The following UTRN variants were observed in gnomAD, a reference collection of about 807,000 sequenced individuals.
UTRN encodes the protein utrophin.
Under a neutral mutation model 463.9 loss-of-function variants are expected in UTRN, and 283 were observed. The observed-to-expected ratio is 0.61, with a 90% CI of 0.55 to 0.67. The LOEUF (loss-of-function observed/expected upper bound fraction) is 0.67, where lower values mean the gene tolerates loss of function less well. UTRN is among the 30% of genes least tolerant of loss of function. UTRN has a pLI of 0.00. For missense variants in UTRN, 3,922 were observed against 4,084.3 expected (o/e 0.96, Z 1.08); for synonymous variants, 1,442 against 1,431.5 (o/e 1.01, Z -0.17).
At chr6:144,531,026 A>G (rs567878671) in intron 41 of UTRN, 26 bp from the exon 42 acceptor site, 11 of 1,598,826 alleles carry the variant, frequency 6.9e-6, no homozygotes, top group East Asian at 4.5e-5. Context: ...TTGGAAACCT[A>G]TTTTATTTTG....
chr6:144,294,169 G>C (rs73593332), intron 2 of UTRN, among the ~76,000 whole-genome samples: 4 of 151,878 alleles, frequency 2.6e-5, no homozygotes, highest in African/African-American at 9.7e-5. Flanking sequence ...TAGATGCCAA[G>C]GTTATGACTA....
At chr6:144,742,707 A>T (rs145955178) in intron 54 of UTRN, among the ~76,000 whole-genome samples, 1 of 152,184 alleles carries the variant, frequency 6.6e-6, no homozygotes, top group African/African-American at 2.4e-5. Flanking sequence ...CTTTCTATGT[A>T]TTAACTGAGG....
chr6:144,801,116 G>A (rs1777664962), intron 64 of UTRN, among the ~76,000 whole-genome samples: 3 of 152,060 alleles, frequency 2.0e-5, no homozygotes. Context: ...ATTGGAAGAT[G>A]GTAAGTGATA....
chr6:144,478,174 C>G (rs1791450236), intron 25 of UTRN, among the ~76,000 whole-genome samples: 1 of 151,928 alleles, frequency 6.6e-6, no homozygotes, highest in African/African-American at 2.4e-5. Flanking sequence ...CAAAGATAGT[C>G]TATTTCATCT....
At chr6:144,350,981 A>G (rs1195106221) in intron 2 of UTRN, among the ~76,000 whole-genome samples, 1 of 152,206 alleles carries the variant, frequency 6.6e-6, no homozygotes, top group Non-Finnish European at 1.5e-5. Flanking sequence ...TAGATACACT[A>G]TTTTATTACA....
At chr6:144,561,264 TAC>T (rs1163068252) in intron 50 of UTRN, among the ~76,000 whole-genome samples, 35 of 98,858 alleles carry the variant, frequency 3.5e-4, no homozygotes, top group Middle Eastern at 5.0e-3. Flanking sequence ...TATATATACA[TAC>T]ACACACACAC....
chr6:144,603,294 A>C (rs2128637725), intron 51 of UTRN, among the ~76,000 whole-genome samples: 1 of 152,266 alleles, frequency 6.6e-6, no homozygotes, highest in South Asian at 2.1e-4. Flanking sequence ...TTTTGTTAGG[A>C]TAGGTTTCTC....
intron 65 of UTRN, among the ~76,000 whole-genome samples, chr6:144,809,556 G>A (rs916177965): frequency 6.6e-6 from 1 of 152,108 alleles, no homozygotes; most frequent in Non-Finnish European, 1.5e-5. Flanking sequence ...AGAGTCAGAA[G>A]ATTCCAGTCA....
chr6:144,386,457 TCAAA>T (rs1420501880), intron 2 of UTRN, among the ~76,000 whole-genome samples: 1 of 152,304 alleles, frequency 6.6e-6, no homozygotes, highest in Admixed American at 6.5e-5. Flanking sequence ...AGACTCTGTC[TCAAA>T]CAAACAAACA....
intron 2 of UTRN, among the ~76,000 whole-genome samples, chr6:144,390,125 G>A (rs1781778000): frequency 6.6e-6 from 1 of 152,132 alleles, no homozygotes; most frequent in East Asian, 1.9e-4. Flanking sequence ...AATATGTGAG[G>A]CAAAAGCACT....
chr6:144,742,660 C>T (rs1393079275), intron 54 of UTRN, among the ~76,000 whole-genome samples: 1 of 152,122 alleles, frequency 6.6e-6, no homozygotes, highest in Non-Finnish European at 1.5e-5. Context: ...AGTAACCTTC[C>T]TCAAGAACCT....
intron 51 of UTRN, among the ~76,000 whole-genome samples, chr6:144,659,287 G>A (rs565671355): frequency 6.6e-6 from 1 of 152,254 alleles, no homozygotes; most frequent in South Asian, 2.1e-4. Context: ...TTCAAACTGG[G>A]TGAGGGGTGG....
At chr6:144,328,045 T>C (rs1247196907) in intron 2 of UTRN, among the ~76,000 whole-genome samples, 3 of 152,128 alleles carry the variant, frequency 2.0e-5, no homozygotes, top group Non-Finnish European at 4.4e-5. Flanking sequence ...AGGACAACAC[T>C]GTGAGGGAAA....
At chr6:144,582,103 C>A (rs1055664519) in intron 51 of UTRN, among the ~76,000 whole-genome samples, 2 of 152,160 alleles carry the variant, frequency 1.3e-5, no homozygotes, top group East Asian at 3.9e-4. Flanking sequence ...CCAATAAAGT[C>A]GGCAAAGCAC....
Position 144,548,669 on chromosome 6 carries a change from G to A in UTRN, c.6625G>A (p.Val2209Ile). The A allele has an allele frequency of 1.2e-6, 2 of 1,613,908 alleles. No homozygotes were observed. Among genetic ancestry groups the A allele is most frequent in the Admixed American group, 1.7e-5 (1 of 60,010 alleles). The change falls in exon 47 of 75, where the codon GTA becomes ATA. Residue 2209 changes from valine (V) to isoleucine (I), a missense_variant. Physicochemically the swap from Val to Ile is conservative, Grantham distance 29 (BLOSUM62 3). Coordinates refer to ENST00000367545, the MANE Select transcript of UTRN (RefSeq NM_007124.3). ...AHPNVQKVVLVSSASDIPVQS... is the reference protein window; with the variant it reads ...AHPNVQKVVLISSASDIPVQS... ...TCCTAATGTCCAAAAGGTGGTGCTAGTATCATCTGCGTCAGATATTCCTGT... is the reference window on the plus strand; with the variant it reads ...TCCTAATGTCCAAAAGGTGGTGCTAATATCATCTGCGTCAGATATTCCTGT...
intron 2 of UTRN, among the ~76,000 whole-genome samples, chr6:144,320,861 T>G (rs1775592499): frequency 6.6e-6 from 1 of 152,240 alleles, no homozygotes; most frequent in Admixed American, 6.5e-5. Flanking sequence ...TTTTGAAATC[T>G]GTTAAGTGTT....
intron 51 of UTRN, among the ~76,000 whole-genome samples, chr6:144,588,733 A>G (rs1325067760): frequency 6.6e-6 from 1 of 152,236 alleles, no homozygotes; most frequent in Non-Finnish European, 1.5e-5. Context: ...ATGTGCAGAC[A>G]TAGCTCCTTC....
At chr6:144,374,805 G>T (rs1780309790) in intron 2 of UTRN, among the ~76,000 whole-genome samples, 1 of 151,676 alleles carries the variant, frequency 6.6e-6, no homozygotes, top group African/African-American at 2.4e-5. Context: ...AATTAACTGG[G>T]TGTGGTGGCC....
intron 4 of UTRN, 89 bp downstream of exon 4, chr6:144,422,059 T>A (rs905842395): frequency 2.0e-6 from 2 of 1,013,174 alleles, no homozygotes; most frequent in African/African-American, 3.3e-5. Flanking sequence ...AGTGAAAGTA[T>A]CCATTTTACT....
Sources: gnomAD v4.1 joint callset for allele counts (sites outside exome capture counted in the v4.1 genomes callset) on GRCh38, gnomAD v4.1.1 for gene constraint, MANE v1.5 for transcripts, NCBI Gene and HGNC (gene_info 2026-07-23, HGNC 2026-07-21) for gene names.